ARMC10: variants seen among roughly 807,000 people sequenced by gnomAD.
ARMC10 encodes armadillo repeat containing 10, also known as armadillo repeat-containing protein 10.
In ARMC10, 23 loss-of-function variants were observed where a neutral mutation model predicts 30.2. That is an observed-to-expected ratio of 0.76 (90% confidence interval 0.55 to 1.08). The LOEUF is 1.08. ARMC10 is among the 50% of genes least tolerant of loss of function. The probability of loss-of-function intolerance (pLI) is 0.00; values close to 1 mark genes in which losing one functional copy is unlikely to be tolerated. For missense variants in ARMC10, 303 were observed against 413.7 expected, an observed-to-expected ratio of 0.73 and a Z score of 2.32; for synonymous variants, 111 against 164.4, an observed-to-expected ratio of 0.68 and a Z score of 2.48.
chr7:103,076,203 G>C (rs1011625749), intron 2 of ARMC10, among the ~76,000 whole-genome samples: 2 of 152,166 alleles, frequency 1.3e-5, no homozygotes, highest in Non-Finnish European at 2.9e-5. Context: ...TGGACAGATA[G>C]AACCGATTTC....
chr7:103,081,284 C>T (rs931909041), intron 2 of ARMC10, among the ~76,000 whole-genome samples: 1 of 152,072 alleles, frequency 6.6e-6, no homozygotes, highest in African/African-American at 2.4e-5. Context: ...GATACAACAC[C>T]GTGAAATTTT....
intron 2 of ARMC10, among the ~76,000 whole-genome samples, chr7:103,076,947 GCGCAATCACAGC>G: frequency 6.6e-6 from 1 of 152,052 alleles, no homozygotes; most frequent in Non-Finnish European, 1.5e-5. Context: ...CGGTGCAGTG[GCGCAATCACAGC>G]TGCAGCGGCG....
intron 2 of ARMC10, chr7:103,081,764 T>A (rs556830306): frequency 7.7e-4 from 292 of 378,418 alleles, no homozygotes; most frequent in Non-Finnish European, 1.3e-3. Flanking sequence ...ATTTATCACA[T>A]TTCTGCCATG....
At chr7:103,075,432 G>A (rs781260563) in intron 1 of ARMC10, 21 bp downstream of exon 1, 86 of 1,287,176 alleles carry the variant, frequency 6.7e-5, no homozygotes, top group Non-Finnish European at 3.0e-6. Context: ...GGGGTTTCCG[G>A]CAGGTGGGCG....
At chr7:103,084,145 T>C (rs1468884230) in intron 3 of ARMC10, 10 of 780,396 alleles carry the variant, frequency 1.3e-5, no homozygotes, top group Non-Finnish European at 1.8e-5. Context: ...AAACAATGAA[T>C]GCATCTAACA....
At chr7:103,077,899 C>T (rs993837377) in intron 2 of ARMC10, among the ~76,000 whole-genome samples, 1 of 152,212 alleles carries the variant, frequency 6.6e-6, no homozygotes, top group African/African-American at 2.4e-5. Context: ...CTCACAGTCC[C>T]TTCTTCCTGA....
rs531045083 is a variant in ARMC10, at chr7:103,093,009, T to TA, written c.705+357dup. On this transcript the variant is annotated intron_variant, in intron 5 of 6. Coordinates refer to ENST00000323716, the MANE Select transcript of ARMC10 (RefSeq NM_031905.5). ...TTTGATTCAGTTATTTGTTGAAAAATATTTCTAAAACAACTTTTAAGCTGT... is the reference window on the plus strand; with the variant it reads ...TTTGATTCAGTTATTTGTTGAAAAATAATTTCTAAAACAACTTTTAAGCTGT... Among the ~76,000 whole-genome samples the TA allele has an allele frequency of 2.1e-3, 322 of 152,330 alleles. 3 individuals are homozygous for TA. Among genetic ancestry groups the TA allele is most frequent in the Non-Finnish European group, 3.7e-3 (250 of 68,024 alleles).
At chr7:103,077,096 T>C (rs993723305) in intron 2 of ARMC10, among the ~76,000 whole-genome samples, 5 of 152,054 alleles carry the variant, frequency 3.3e-5, no homozygotes, top group Non-Finnish European at 7.4e-5. Flanking sequence ...GTTTTCACCA[T>C]GTTGCCCAGG....
intron 4 of ARMC10, among the ~76,000 whole-genome samples, chr7:103,091,136 G>A (rs1404642594): frequency 6.6e-6 from 1 of 152,098 alleles, no homozygotes; most frequent in Non-Finnish European, 1.5e-5. Flanking sequence ...AAGCTAGAAA[G>A]CTTATGGCCA....
At chr7:103,080,819 G>T (rs981698396) in intron 2 of ARMC10, among the ~76,000 whole-genome samples, 1 of 151,588 alleles carries the variant, frequency 6.6e-6, no homozygotes, top group Non-Finnish European at 1.5e-5. Context: ...GTAGAGACAG[G>T]GTTTCAGCAT....
chr7:103,075,608 C>T (rs1799671361), intron 1 of ARMC10, among the ~76,000 whole-genome samples, 169 bp from the exon 2 acceptor site: 1 of 152,268 alleles, frequency 6.6e-6, no homozygotes, highest in African/African-American at 2.4e-5. Context: ...CTTGCCCTGG[C>T]TTTCCTGCCT....
intron 2 of ARMC10, among the ~76,000 whole-genome samples, chr7:103,077,593 A>T (rs910345194): frequency 5.9e-5 from 9 of 151,980 alleles, no homozygotes; most frequent in African/African-American, 1.7e-4. Flanking sequence ...ATGAGGACAG[A>T]CCCCTCATGA....
chr7:103,083,124 G>C, intron 2 of ARMC10: 1 of 456,702 alleles, frequency 2.2e-6, no homozygotes, highest in South Asian at 1.5e-5. Flanking sequence ...AATGTTATCA[G>C]CATTTGAGGT....
chr7:103,086,461 G>A (rs1306385898), intron 3 of ARMC10, among the ~76,000 whole-genome samples, 169 bp from the exon 4 acceptor site: 1 of 151,978 alleles, frequency 6.6e-6, no homozygotes, highest in African/African-American at 2.4e-5. Context: ...ACCTATAAAA[G>A]TATGGGTAGT....
chr7:103,091,110 A>G (rs375676122), intron 4 of ARMC10, among the ~76,000 whole-genome samples: 88 of 152,308 alleles, frequency 5.8e-4, no homozygotes, highest in African/African-American at 1.9e-3. Context: ...AGTTATCTGT[A>G]AAACATAATT....
At chr7:103,083,949 CTACTTA>C in intron 3 of ARMC10, 119 bp downstream of exon 3, 1 of 1,466,014 alleles carries the variant, frequency 6.8e-7, no homozygotes, top group South Asian at 1.2e-5. Flanking sequence ...TGCAATGTGG[CTACTTA>C]TACTTAAAAC....
At chr7:103,078,889 G>A (rs1228492456) in intron 2 of ARMC10, among the ~76,000 whole-genome samples, 1 of 152,100 alleles carries the variant, frequency 6.6e-6, no homozygotes, top group African/African-American at 2.4e-5. Flanking sequence ...TGCACTTGTA[G>A]TCCCAGCTAC....
rs1230117875 is a variant in ARMC10, at chr7:103,097,804, T to C, written c.777+456T>C. ...AAAAATATATAACAAGTGAACAAGG[T>C]AATTAAAAGCTGTGATAAGTGTTCT... is the stretch of plus-strand genomic sequence containing the variant. On this transcript the variant is annotated intron_variant, in intron 6 of 6. Transcript: ENST00000323716. Among the ~76,000 whole-genome samples, 3 of 152,174 alleles carry C rather than the reference T, an allele frequency of 2.0e-5. No homozygotes were observed. In the South Asian group the frequency reaches 6.2e-4, roughly 32 times the overall value.
chr7:103,080,622 T>A (rs1459682955), intron 2 of ARMC10, among the ~76,000 whole-genome samples: 1 of 149,282 alleles, frequency 6.7e-6, no homozygotes, highest in African/African-American at 2.5e-5. Flanking sequence ...ATTATTTTAT[T>A]TTTTATTTAT....
Sources: allele counts gnomAD v4.1 joint callset (sites outside exome capture counted in the v4.1 genomes callset), GRCh38; gene constraint gnomAD v4.1.1; transcripts MANE v1.5; gene names NCBI Gene and HGNC (gene_info 2026-07-23, HGNC 2026-07-21).